The following ROPN1B variants were observed in gnomAD, a reference collection of about 807,000 sequenced individuals.
The protein encoded by ROPN1B is ropporin-1B.
ROPN1B carries 13 observed loss-of-function variants against 23.7 expected under a neutral mutation model. That is an observed-to-expected ratio of 0.55 (90% CI 0.36 to 0.87). ROPN1B has a LOEUF of 0.87. Ranked by LOEUF, ROPN1B falls within the 40% of genes least tolerant of loss-of-function variation. The pLI, the probability that ROPN1B is intolerant of heterozygous loss-of-function variation, is 0.01. For missense variants in ROPN1B, 183 were observed against 249.2 expected (o/e 0.73, Z 1.79); for synonymous variants, 67 against 100.4 (o/e 0.67, Z 1.99).
intron 3 of ROPN1B, 57 bp downstream of exon 3, chr3:125,972,227 T>C (rs1341127066): frequency 1.3e-6 from 2 of 1,569,412 alleles, no homozygotes; most frequent in Non-Finnish European, 1.8e-6. Context: ...GAGAGGGTCC[T>C]GTAAAACCGC....
intron 3 of ROPN1B, 126 bp from the exon 4 acceptor site, chr3:125,975,437 A>G (rs1187406283): frequency 7.8e-6 from 7 of 902,970 alleles, no homozygotes; most frequent in Admixed American, 2.4e-5. Context: ...AATGACACAT[A>G]GAAGCCACTT....
intron 5 of ROPN1B, 122 bp downstream of exon 5, chr3:125,977,287 ATTGTCCTTCTCCTC>A: frequency 6.8e-7 from 1 of 1,463,504 alleles, no homozygotes; most frequent in Non-Finnish European, 9.4e-7. Context: ...CTCTTCTCCT[ATTGTCCTTCTCCTC>A]TCTAAAGCAA....
At chr3:125,975,467 A>G (rs941948562) in intron 3 of ROPN1B, 96 bp from the exon 4 acceptor site, 30 of 1,294,910 alleles carry the variant, frequency 2.3e-5, no homozygotes, top group Admixed American at 4.5e-5. Context: ...TCCTTTCTCT[A>G]CCTCCTTCCC....
chr3:125,979,476 C>A (rs560540430), intron 5 of ROPN1B, among the ~76,000 whole-genome samples: 1 of 152,092 alleles, frequency 6.6e-6, no homozygotes, highest in Non-Finnish European at 1.5e-5. Flanking sequence ...ATAAAAGTTG[C>A]CCCTCCACCA....
intron 3 of ROPN1B, chr3:125,972,795 T>C (rs1938264887): frequency 2.6e-6 from 1 of 385,412 alleles, no homozygotes; most frequent in African/African-American, 2.1e-5. Flanking sequence ...GTCCTCACAG[T>C]ACACACTGCA....
intron 5 of ROPN1B, among the ~76,000 whole-genome samples, chr3:125,980,654 CAT>C (rs1425754769): frequency 2.0e-5 from 3 of 152,144 alleles, no homozygotes; most frequent in Non-Finnish European, 2.9e-5. Context: ...AAGGCTTTGA[CAT>C]ATGAATTTTA....
At chr3:125,981,808 A>G (rs1177765808) in intron 5 of ROPN1B, among the ~76,000 whole-genome samples, 1 of 152,010 alleles carries the variant, frequency 6.6e-6, no homozygotes, top group African/African-American at 2.4e-5. Context: ...TCTTCCTGGG[A>G]CTCTATTTTC....
chr3:125,979,485 C>G (rs1283871713), intron 5 of ROPN1B, among the ~76,000 whole-genome samples: 1 of 152,108 alleles, frequency 6.6e-6, no homozygotes, highest in Non-Finnish European at 1.5e-5. Flanking sequence ...GCCCCTCCAC[C>G]AAGTGAGGAC....
chr3:125,983,431 T>G lies in ROPN1B; in HGVS notation c.*111T>G. 1.4e-6 allele frequency: 1 copy of G among 738,686 alleles called. No individual in the cohort carries two copies. The highest frequency in any genetic ancestry group is 2.4e-6 in the Non-Finnish European group (1 of 417,386). 45.8% of individuals were successfully genotyped at this position (738,686 alleles called of 1,614,324 possible). A position where few individuals can be genotyped will look rare whatever the true frequency, so the allele number is the denominator to read the frequency against. On this transcript the variant is annotated 3_prime_UTR_variant, in exon 7 of 7. Transcript: ENST00000514116. ...TTCTTGTACAACTGGTACACACTAA[T>G]AAACAAACATGTGAGATCAGAAATG...
chr3:125,982,684 T>C (rs1938650160), intron 6 of ROPN1B, among the ~76,000 whole-genome samples: 1 of 152,074 alleles, frequency 6.6e-6, no homozygotes, highest in Non-Finnish European at 1.5e-5. Flanking sequence ...CCTGAGAACA[T>C]GTTAGAAATG....
chr3:125,979,984 A>G (rs1238570677), intron 5 of ROPN1B, among the ~76,000 whole-genome samples: 2 of 152,244 alleles, frequency 1.3e-5, no homozygotes, highest in East Asian at 3.8e-4. Context: ...ACTGATTATT[A>G]AAAAAGGAAG....
chr3:125,972,346 A>T, intron 3 of ROPN1B, 176 bp downstream of exon 3: 1 of 648,972 alleles, frequency 1.5e-6, no homozygotes, highest in Non-Finnish European at 2.7e-6. Context: ...TACTACATCT[A>T]GCCGGGCAAG....
chr3:125,980,705 G>C (rs1477105338), intron 5 of ROPN1B, among the ~76,000 whole-genome samples: 2 of 151,924 alleles, frequency 1.3e-5, no homozygotes, highest in African/African-American at 2.4e-5. Context: ...CCCATGGAGA[G>C]GGCAACAGAA....
rs140246107 is a variant in ROPN1B at position 125,979,971 on chromosome 3, T to C, written c.397-2299T>C. On this transcript the variant is annotated intron_variant, in intron 5 of 6. Transcript: ENST00000514116. ...TGGCCTATGCCACCTCCTGTTCCAC[T>C]GAACTGATTATTAAAAAAGGAAGAG... is the stretch of plus-strand genomic sequence containing the variant. 8.3e-3 allele frequency among the ~76,000 whole-genome samples: 1,270 copies of C among 152,364 alleles called. 18 individuals are homozygous for C. The highest frequency in any genetic ancestry group is 0.029 in the African/African-American group (1,226 of 41,580).
intron 5 of ROPN1B, among the ~76,000 whole-genome samples, chr3:125,981,702 C>T (rs909117278): frequency 1.3e-5 from 2 of 152,096 alleles, no homozygotes; most frequent in Non-Finnish European, 1.5e-5. Flanking sequence ...GTTAGTATTA[C>T]GTAAAATGAA....
At position 125,974,451 on chromosome 3, in the gene ROPN1B, A is replaced by G. The variant is rs1210839932; in HGVS notation, c.117-1112A>G. 7.2e-4 allele frequency among the ~76,000 whole-genome samples: 109 copies of G among 152,290 alleles called. 1 individual carries two copies. The highest frequency in any genetic ancestry group is 1.4e-3 in the Non-Finnish European group (92 of 68,022). On this transcript the variant is annotated intron_variant, in intron 3 of 6. Coordinates refer to ENST00000514116, the MANE Select transcript of ROPN1B (RefSeq NM_001308313.2). ...GCCCATCATTGTATGGCTTGACCCT[A>G]AAGTGGGCTTTTACAAAATTCCCTC...
intron 6 of ROPN1B, among the ~76,000 whole-genome samples, chr3:125,982,890 C>T (rs143759771): frequency 2.2e-3 from 336 of 152,198 alleles, no homozygotes; most frequent in African/African-American, 7.8e-3. Flanking sequence ...CTGGTCATGG[C>T]GGCTCACACC....
Position 125,972,165 on chromosome 3 carries a change from G to C in ROPN1B, c.111G>C (p.Gly37=), listed in dbSNP as rs566310881. ...RAQPQDLIQW[G]ADYFEALSRG... ...AGCCGCAGGACCTCATCCAGTGGGG[G>C]GCCGAGTACGTGCTCCTTTCTCGCC... The change falls in exon 3 of 7, where the codon GGG becomes GGC. Residue 37 remains glycine (G), a synonymous_variant. Coordinates refer to ENST00000514116, the MANE Select transcript of ROPN1B (RefSeq NM_001308313.2). The C allele has an allele frequency of 1.2e-6, 2 of 1,614,184 alleles. No individual in the cohort carries two copies. The highest frequency in any genetic ancestry group is 1.7e-6 in the Non-Finnish European group (2 of 1,180,000).
At chr3:125,982,234 G>A (rs766517792) in intron 5 of ROPN1B, 36 bp from the exon 6 acceptor site, 2 of 1,521,376 alleles carry the variant, frequency 1.3e-6, no homozygotes, top group East Asian at 2.4e-5. Context: ...TTGCCTGGAA[G>A]AGTAACTTTC....
Sources: allele counts gnomAD v4.1 joint callset (sites outside exome capture counted in the v4.1 genomes callset), GRCh38; gene constraint gnomAD v4.1.1; transcripts MANE v1.5; gene names NCBI Gene and HGNC (gene_info 2026-07-23, HGNC 2026-07-21).